The following SMAD2 variants were observed in gnomAD, a reference collection of about 807,000 sequenced individuals.
SMAD2 encodes the protein SMAD family member 2.
SMAD2 carries 8 observed loss-of-function variants against 64.4 expected under a neutral mutation model. That is an observed-to-expected ratio of 0.12 (90% CI 0.07 to 0.22). The LOEUF is 0.22. SMAD2 is among the 10% of genes least tolerant of loss of function. The pLI is 1.00. For missense variants in SMAD2, 289 were observed against 561.2 expected (o/e 0.51, Z 4.90); for synonymous variants, 203 against 195.8 (o/e 1.04, Z -0.31).
chr18:47,867,623 A>G (rs2031655604), intron 5 of SMAD2, among the ~76,000 whole-genome samples: 2 of 151,636 alleles, frequency 1.3e-5, no homozygotes, highest in South Asian at 4.1e-4. Flanking sequence ...AAAGGAAAAC[A>G]TACAAGAAAA....
intron 2 of SMAD2, among the ~76,000 whole-genome samples, chr18:47,871,168 G>A (rs2031910444): frequency 6.6e-6 from 1 of 152,136 alleles, no homozygotes; most frequent in Non-Finnish European, 1.5e-5. Flanking sequence ...GGGCAGCTCA[G>A]AGATAATTCT....
intron 1 of SMAD2, among the ~76,000 whole-genome samples, chr18:47,919,203 CAAA>C (rs1227908918): frequency 6.6e-6 from 1 of 150,906 alleles, no homozygotes; most frequent in Non-Finnish European, 1.5e-5. Flanking sequence ...CATAATTTTT[CAAA>C]AAAAAATTTC....
rs999559908 is a variant in SMAD2, at chr18:47,844,284, A to G, written c.1280+1056T>C. Among the ~76,000 whole-genome samples, 13 of 152,306 alleles carry G rather than the reference A, an allele frequency of 8.5e-5. No individual in the cohort carries two copies. In the East Asian group the frequency reaches 2.5e-3, roughly 29 times the overall value. On this transcript the variant is annotated intron_variant, in intron 10 of 10. Coordinates refer to ENST00000262160, the MANE Select transcript of SMAD2 (RefSeq NM_005901.6). ...ATTTCTGACAAAACTTAAGATAGAC[A>G]AGCAAGTCCAAAACAAATAAATTTG...
chr18:47,810,598 G>C lies in SMAD2; in HGVS notation c.*31229C>G, dbSNP rs1420429073. ...TTTCCACAAGGCTAGGCACAAAATT[G>C]GTGCTTAAAAAGACTGATTGACCAA... On this transcript the variant is annotated 3_prime_UTR_variant, in exon 11 of 11. Coordinates refer to ENST00000262160, the MANE Select transcript of SMAD2 (RefSeq NM_005901.6). 1 of 152,042 alleles carries C rather than the reference G, an allele frequency of 6.6e-6. No homozygotes were observed. Among genetic ancestry groups the C allele is most frequent in the African/African-American group, 2.4e-5 (1 of 41,394 alleles). The allele number at this position is 152,042 out of a possible 1,614,324, so 9.4% of individuals were successfully genotyped here. A position where few individuals can be genotyped will look rare whatever the true frequency, so the allele number is the denominator to read the frequency against.
chr18:47,826,802 C>T lies in SMAD2; in HGVS notation c.*15025G>A, dbSNP rs1912771779. The T allele has an allele frequency of 6.6e-6, 1 of 152,160 alleles. No individual in the cohort carries two copies. Among genetic ancestry groups the T allele is most frequent in the South Asian group, 2.1e-4 (1 of 4,822 alleles). 9.4% of individuals were successfully genotyped at this position (152,160 alleles called of 1,614,324 possible). ...GAGAAAGATTTGTTATTAGCAAAGA[C>T]CTTCAGAGTAACCTTTGCCTGGTAT... On this transcript the variant is annotated 3_prime_UTR_variant, in exon 11 of 11. Coordinates refer to ENST00000262160, the MANE Select transcript of SMAD2 (RefSeq NM_005901.6).
In SMAD2 at chr18:47,836,256, T is replaced by C. The variant is rs1394286333; in HGVS notation, c.*5571A>G. ...CAGCAACCTTGCACCAGAAGAAGAATTAAAGAGGGAGCAATCTAGTATTAT... is the reference window on the plus strand; with the variant it reads ...CAGCAACCTTGCACCAGAAGAAGAACTAAAGAGGGAGCAATCTAGTATTAT... On this transcript the variant is annotated 3_prime_UTR_variant, in exon 11 of 11. Coordinates refer to ENST00000262160, the MANE Select transcript of SMAD2 (RefSeq NM_005901.6). 2 of 223,434 alleles carry C rather than the reference T, an allele frequency of 9.0e-6. No individual in the cohort carries two copies. The highest frequency in any genetic ancestry group is 1.8e-5 in the Non-Finnish European group (2 of 112,058). 13.8% of individuals were successfully genotyped at this position (223,434 alleles called of 1,614,324 possible).
intron 1 of SMAD2, among the ~76,000 whole-genome samples, chr18:47,905,874 G>C (rs1460592709): frequency 6.6e-6 from 1 of 152,170 alleles, no homozygotes. Context: ...CACTTTGGGA[G>C]GCCAAAATAG....
At position 47,815,610 on chromosome 18, in the gene SMAD2, A is replaced by G. The variant is rs1053962070; in HGVS notation, c.*26217T>C. 1 of 152,238 alleles carries G rather than the reference A, an allele frequency of 6.6e-6. No individual in the cohort carries two copies. The highest frequency in any genetic ancestry group is 1.5e-5 in the Non-Finnish European group (1 of 68,048). 9.4% of individuals were successfully genotyped at this position (152,238 alleles called of 1,614,324 possible). A position where few individuals can be genotyped will look rare whatever the true frequency, so the allele number is the denominator to read the frequency against. ...CCACTAGTACAAAAACTGGCCTTGAATAAGACATCACTTCCTCCAAGTCTG... is the reference window on the plus strand; with the variant it reads ...CCACTAGTACAAAAACTGGCCTTGAGTAAGACATCACTTCCTCCAAGTCTG... On this transcript the variant is annotated 3_prime_UTR_variant, in exon 11 of 11. Transcript: ENST00000262160.
In SMAD2 at chr18:47,840,374, T is replaced by C. The variant is rs1347914723; in HGVS notation, c.*1453A>G. The C allele has an allele frequency of 1.7e-5, 4 of 232,734 alleles. No individual in the cohort carries two copies. Among genetic ancestry groups the C allele is most frequent in the Non-Finnish European group, 3.4e-5 (4 of 117,838 alleles). The allele number at this position is 232,734 out of a possible 1,614,324, so 14.4% of individuals were successfully genotyped here. A position where few individuals can be genotyped will look rare whatever the true frequency, so the allele number is the denominator to read the frequency against. On this transcript the variant is annotated 3_prime_UTR_variant, in exon 11 of 11. Coordinates refer to ENST00000262160, the MANE Select transcript of SMAD2 (RefSeq NM_005901.6). ...GAGTCAACATCAGACATAATAATTA[T>C]TTGCTGCAGAATGAACTAGCAACAG...
chr18:47,892,597 C>G (rs553586283), intron 2 of SMAD2, among the ~76,000 whole-genome samples: 1 of 152,262 alleles, frequency 6.6e-6, no homozygotes, highest in South Asian at 2.1e-4. Context: ...GTGGCATAAA[C>G]TTTTCTTTCG....
intron 1 of SMAD2, among the ~76,000 whole-genome samples, chr18:47,928,746 T>A (rs777211887): frequency 1.1e-4 from 16 of 152,234 alleles, no homozygotes; most frequent in Non-Finnish European, 1.8e-4. Flanking sequence ...GGCCGCACTT[T>A]AGAAGGTGTG....
chr18:47,850,248 A>G (rs1279959625), intron 7 of SMAD2, among the ~76,000 whole-genome samples: 1 of 75,524 alleles, frequency 1.3e-5, no homozygotes, highest in Non-Finnish European at 2.3e-5. Context: ...ATTATATATT[A>G]TATATATTAT....
chr18:47,930,562 G>C lies in SMAD2; in HGVS notation c.-255C>G, dbSNP rs906996374. Reference sequence around the variant, plus strand: ...CGGCCGGCGGCCCGGGCGCGCGGGAGGGTAGGGGAAGAGAGGGGAGGGGAG... The same window carrying C: ...CGGCCGGCGGCCCGGGCGCGCGGGACGGTAGGGGAAGAGAGGGGAGGGGAG... On this transcript the variant is annotated 5_prime_UTR_variant, in exon 1 of 11. Transcript: ENST00000262160. 2.4e-4 allele frequency: 36 copies of C among 149,840 alleles called. No homozygotes were observed. Among genetic ancestry groups the C allele is most frequent in the Non-Finnish European group, 3.4e-4 (23 of 67,120 alleles). 9.3% of individuals were successfully genotyped at this position (149,840 alleles called of 1,614,324 possible). A position where few individuals can be genotyped will look rare whatever the true frequency, so the allele number is the denominator to read the frequency against.
At chr18:47,850,624 A>ATG (rs1915330883) in intron 7 of SMAD2, among the ~76,000 whole-genome samples, 1 of 28,368 alleles carries the variant, frequency 3.5e-5, no homozygotes, top group African/African-American at 1.5e-4. Context: ...ATTATATATT[A>ATG]TATATATATT....
At chr18:47,897,343 C>T (rs2033483615) in intron 1 of SMAD2, among the ~76,000 whole-genome samples, 2 of 151,684 alleles carry the variant, frequency 1.3e-5, no homozygotes, top group Non-Finnish European at 1.5e-5. Flanking sequence ...TGGAGAAAAG[C>T]TGTAGTCCGG....
chr18:47,896,338 T>C (rs1256283460), intron 2 of SMAD2, among the ~76,000 whole-genome samples, 183 bp downstream of exon 2: 2 of 152,242 alleles, frequency 1.3e-5, no homozygotes, highest in Non-Finnish European at 2.9e-5. Context: ...TGATTAAACC[T>C]CACTATTCAA....
rs1374396228 is a variant in SMAD2, at chr18:47,811,105, T to C, written c.*30722A>G. The C allele has an allele frequency of 6.6e-6, 1 of 152,228 alleles. No homozygotes were observed. Among genetic ancestry groups the C allele is most frequent in the East Asian group, 1.9e-4 (1 of 5,186 alleles). 9.4% of individuals were successfully genotyped at this position (152,228 alleles called of 1,614,324 possible). On this transcript the variant is annotated 3_prime_UTR_variant, in exon 11 of 11. Transcript: ENST00000262160. ...TAAAGAAAGTAAAAATTAGTTGCTG[T>C]CCACTTGGCTTCCAGGAACAGGGTG...
Position 47,826,282 on chromosome 18 carries a change from T to A in SMAD2, c.*15545A>T, listed in dbSNP as rs1168985118. ...ATTGTTTGCTGGCAAACCAGTACAG[T>A]AACCTGTTAAATACAAAGCAAGGGT... On this transcript the variant is annotated 3_prime_UTR_variant, in exon 11 of 11. Coordinates refer to ENST00000262160, the MANE Select transcript of SMAD2 (RefSeq NM_005901.6). 1 of 152,276 alleles carries A rather than the reference T, an allele frequency of 6.6e-6. No homozygotes were observed. Among genetic ancestry groups the A allele is most frequent in the African/African-American group, 2.4e-5 (1 of 41,462 alleles). The allele number at this position is 152,276 out of a possible 1,614,324, so 9.4% of individuals were successfully genotyped here.
chr18:47,923,504 A>C (rs2034645406), intron 1 of SMAD2: 1 of 152,198 alleles, frequency 6.6e-6, no homozygotes, highest in South Asian at 2.1e-4. Context: ...TTTAACATTC[A>C]GTTTCTCAGT....
Sources: gnomAD v4.1 joint callset for allele counts (sites outside exome capture counted in the v4.1 genomes callset) on GRCh38, gnomAD v4.1.1 for gene constraint, MANE v1.5 for transcripts, NCBI Gene and HGNC (gene_info 2026-07-23, HGNC 2026-07-21) for gene names.